C3orf49: variants seen among roughly 807,000 people sequenced by gnomAD.
C3orf49 encodes chromosome 3 open reading frame 49, also known as putative uncharacterized protein C3orf49.
In C3orf49, 27 loss-of-function variants were observed where a neutral mutation model predicts 13.3. The ratio of observed to expected loss-of-function variants is 2.02; its 90% CI spans 1.49 to 2.79. The LOEUF (loss-of-function observed/expected upper bound fraction) is 2.79, where lower values mean the gene tolerates loss of function less well. Among genes scored for constraint, C3orf49 ranks in the 30% most tolerant of loss-of-function variants. C3orf49 has a pLI of 0.00. For synonymous variants in C3orf49, 87 were observed against 47.6 expected, an observed-to-expected ratio of 1.83 and a Z score of -3.40; for missense variants, 242 against 134.2, an observed-to-expected ratio of 1.80 and a Z score of -3.97.
Position 63,837,352 on chromosome 3 carries a change from C to G in C3orf49, c.849+5508C>G, listed in dbSNP as rs544893978. Among the ~76,000 whole-genome samples, 63 of 151,876 alleles carry G rather than the reference C, an allele frequency of 4.1e-4. 1 individual carries two copies. The South Asian group carries it at 7.7e-3, about 19-fold the overall frequency. On this transcript the variant is annotated intron_variant, in intron 5 of 6. Transcript: ENST00000295896. ...TTACACATTATATTTTTTATTTTTA[C>G]TTTTCTTCAATTTACATTATAAGAA...
intron 2 of C3orf49, among the ~76,000 whole-genome samples, chr3:63,824,133 T>G (rs906262638): frequency 1.3e-5 from 2 of 151,962 alleles, no homozygotes; most frequent in South Asian, 4.2e-4. Context: ...GCCTTGGAGG[T>G]TCCTTCCAGT....
the C3orf49 span, among the ~76,000 whole-genome samples, chr3:63,781,402 A>G: frequency 2.0e-5 from 3 of 152,046 alleles, no homozygotes; most frequent in South Asian, 6.2e-4. Flanking sequence ...GCCTTGTAGC[A>G]TAGTTTGAAG....
chr3:63,823,580 T>G lies in C3orf49; in HGVS notation c.445+11T>G. ...AGCTCTCAGAGAATGGTAATCATAT[T>G]TGGGCAATTTGTCTTTGGGTTGAGG... On this transcript the variant is annotated intron_variant, in intron 2 of 6. Transcript: ENST00000295896. 1.4e-6 allele frequency: 1 copy of G among 690,450 alleles called. No homozygotes were observed. Among genetic ancestry groups the G allele is most frequent in the Non-Finnish European group, 2.6e-6 (1 of 378,880 alleles). The allele number at this position is 690,450 out of a possible 1,614,324, so 42.8% of individuals were successfully genotyped here.
At chr3:63,816,586 A>G (rs537423603), upstream of C3orf49, among the ~76,000 whole-genome samples, 1 of 151,858 alleles carries the variant, frequency 6.6e-6, no homozygotes, top group East Asian at 2.0e-4. Context: ...TGTTTAAACA[A>G]CAACAACAAC....
chr3:63,794,941 C>T, the C3orf49 span, among the ~76,000 whole-genome samples: 1 of 152,162 alleles, frequency 6.6e-6, no homozygotes, highest in African/African-American at 2.4e-5. Context: ...GCAAACCCCC[C>T]ACCTTTTCTG....
In C3orf49 at chr3:63,827,667, G is replaced by T. The variant is rs771355150; in HGVS notation, c.512G>T (p.Arg171Leu). 1 of 703,066 alleles carries T rather than the reference G, an allele frequency of 1.4e-6. No homozygotes were observed. The highest frequency in any genetic ancestry group is 2.6e-6 in the Non-Finnish European group (1 of 385,026). The allele number at this position is 703,066 out of a possible 1,614,324, so 43.6% of individuals were successfully genotyped here. The stretch of plus-strand genomic sequence containing the variant: ...ATAACCCAGGGAAACACACTCCTTC[G>T]GGCCAGGAGAACCACCAAGCGGTTA... ...EEITQGNTLL[R>L]ARRTTKRLSV... Residue 171 changes from arginine (R) to leucine (L), a missense_variant, in exon 3 of 7, where the codon CGG (arginine) becomes CTG (leucine). Arg to Leu is a moderately radical substitution (Grantham distance 102). Coordinates refer to ENST00000295896, the MANE Select transcript of C3orf49 (RefSeq NM_001355236.2).
At position 63,831,833 on chromosome 3, in the gene C3orf49, A is replaced by G; in HGVS notation, c.838A>G (p.Lys280Glu). The change falls in exon 5 of 7, where the codon AAA becomes GAA. Residue 280 changes from lysine (K) to glutamate (E), a missense_variant. Coordinates refer to ENST00000295896, the MANE Select transcript of C3orf49 (RefSeq NM_001355236.2). ...ATCCAAGAGAACCATGAGGAAGTAT[A>G]AATTAAAAAATGTGTGTTTCCCATG... ...RISKRTMRKY[K>E]LKNMTTKGPG... The G allele has an allele frequency of 2.9e-6, 2 of 696,364 alleles. No individual in the cohort carries two copies. Among genetic ancestry groups the G allele is most frequent in the Non-Finnish European group, 5.2e-6 (2 of 383,304 alleles). The allele number at this position is 696,364 out of a possible 1,614,324, so 43.1% of individuals were successfully genotyped here.
intron 2 of C3orf49, among the ~76,000 whole-genome samples, chr3:63,825,593 G>A (rs1022342515): frequency 6.6e-6 from 1 of 152,174 alleles, no homozygotes; most frequent in African/African-American, 2.4e-5. Context: ...TATCAACTAA[G>A]ATTTCTCCAG....
intron 5 of C3orf49, among the ~76,000 whole-genome samples, chr3:63,834,383 G>A (rs1250411160): frequency 5.9e-5 from 9 of 151,936 alleles, no homozygotes; most frequent in Admixed American, 5.9e-4. Flanking sequence ...ATCCAGGCAG[G>A]GTCTGGTGGC....
chr3:63,792,170 C>T, the C3orf49 span, among the ~76,000 whole-genome samples: 1 of 152,214 alleles, frequency 6.6e-6, no homozygotes, highest in African/African-American at 2.4e-5. Context: ...ATGTTACAAA[C>T]TTGCATGCCA....
chr3:63,811,369 T>G, the C3orf49 span, among the ~76,000 whole-genome samples: 1 of 151,554 alleles, frequency 6.6e-6, no homozygotes, highest in Non-Finnish European at 1.5e-5. Flanking sequence ...CCATCCTGGC[T>G]AACACAGTGA....
chr3:63,840,152 C>G (rs918368132), intron 5 of C3orf49, among the ~76,000 whole-genome samples: 3 of 152,022 alleles, frequency 2.0e-5, no homozygotes, highest in African/African-American at 4.8e-5. Context: ...GCCAATAATT[C>G]ATAGAGAACC....
the C3orf49 span, among the ~76,000 whole-genome samples, chr3:63,804,799 A>C: frequency 3.3e-5 from 5 of 152,178 alleles, no homozygotes; most frequent in East Asian, 9.7e-4. Context: ...CCCTATGAAC[A>C]AGTCAATTCC....
At chr3:63,828,995 G>C (rs62253802) in intron 3 of C3orf49, among the ~76,000 whole-genome samples, 7,608 of 152,238 alleles carry the variant, frequency 0.05, 282 homozygotes, top group East Asian at 0.13. Context: ...TTCCCCAGTT[G>C]CACTAGCTAC....
chr3:63,845,988 A>C (rs1701885683), intron 6 of C3orf49: 1 of 177,790 alleles, frequency 5.6e-6, no homozygotes, highest in African/African-American at 2.4e-5. Context: ...TGCAGAGAGA[A>C]CAAAATTCTT....
At chr3:63,814,011 T>C in the C3orf49 span, among the ~76,000 whole-genome samples, 2 of 152,210 alleles carry the variant, frequency 1.3e-5, no homozygotes, top group African/African-American at 4.8e-5. Flanking sequence ...ATCTAGAATC[T>C]CAGCTTACCA....
At chr3:63,808,113 C>CA in the C3orf49 span, among the ~76,000 whole-genome samples, 78 of 152,142 alleles carry the variant, frequency 5.1e-4, no homozygotes, top group African/African-American at 1.7e-3. Context: ...ACAACTTGGA[C>CA]AAGCAACTCA....
chr3:63,790,942 T>A, the C3orf49 span, among the ~76,000 whole-genome samples: 1 of 152,208 alleles, frequency 6.6e-6, no homozygotes, highest in Non-Finnish European at 1.5e-5. Context: ...AGCTTGGCCC[T>A]GTAGGCAAGC....
intron 5 of C3orf49, chr3:63,835,478 T>G: frequency 8.3e-7 from 1 of 1,209,906 alleles, no homozygotes; most frequent in Non-Finnish European, 1.2e-6. Context: ...CTAGATAGGA[T>G]TTTTAAAATA....
Sources: allele counts gnomAD v4.1 joint callset (sites outside exome capture counted in the v4.1 genomes callset), GRCh38; gene constraint gnomAD v4.1.1; transcripts MANE v1.5; gene names NCBI Gene and HGNC (gene_info 2026-07-23, HGNC 2026-07-21).